The following BRI3BP variants were observed in gnomAD, a reference collection of about 807,000 sequenced individuals.
BRI3BP encodes BRI3-binding protein.
BRI3BP carries 7 observed loss-of-function variants against 15.8 expected under a neutral mutation model. That is an observed-to-expected ratio of 0.44 (90% CI 0.25 to 0.83). The LOEUF (loss-of-function observed/expected upper bound fraction) is 0.83. Among genes scored for constraint, BRI3BP ranks in the 40% least tolerant of loss-of-function variants. The probability of loss-of-function intolerance (pLI) is 0.20; values close to 1 mark genes in which losing one functional copy is unlikely to be tolerated. For missense variants in BRI3BP, 320 were observed against 339.3 expected, an observed-to-expected ratio of 0.94 and a Z score of 0.45; for synonymous variants, 192 against 163.5, an observed-to-expected ratio of 1.17 and a Z score of -1.33.
Position 125,028,373 on chromosome 12 carries a change from A to C in BRI3BP, c.*2943A>C, listed in dbSNP as rs1006473948. The C allele has an allele frequency of 2.6e-5, 4 of 152,214 alleles. No homozygotes were observed. Among genetic ancestry groups the C allele is most frequent in the African/African-American group, 9.7e-5 (4 of 41,446 alleles). 9.4% of individuals were successfully genotyped at this position (152,214 alleles called of 1,614,324 possible). The stretch of plus-strand genomic sequence containing the variant: ...CGAAACATGAAGGGCACTGTGCTCT[A>C]TTGAGATCTCGATAAGATCATCATT... On this transcript the variant is annotated 3_prime_UTR_variant, in exon 3 of 3. Coordinates refer to ENST00000341446, the MANE Select transcript of BRI3BP (RefSeq NM_080626.6).
In BRI3BP at chr12:125,025,200, A is replaced by G. The variant is rs1403961801; in HGVS notation, c.526A>G (p.Lys176Glu). ...CATGTCCTGCGTGTACATCCTGCAC[A>G]AGTACGAGGGCGAGCCGGAGAACGC... ...FSMSCVYILH[K>E]YEGEPENAVL... The change falls in exon 3 of 3, where the codon AAG (lysine) becomes GAG (glutamate). Residue 176 changes from lysine to glutamate, a missense_variant. Transcript: ENST00000341446. 17 of 1,614,118 alleles carry G rather than the reference A, an allele frequency of 1.1e-5. No individual in the cohort carries two copies. Among genetic ancestry groups the G allele is most frequent in the Non-Finnish European group, 1.3e-5 (15 of 1,180,026 alleles).
rs1286814589 is a variant in BRI3BP, at chr12:125,028,587, A to G, written c.*3157A>G. The stretch of plus-strand genomic sequence containing the variant: ...GTGAAAGATGTCTTCATTTTTAATG[A>G]AAGAACCTACAGTTAGTAGGTGTCA... On this transcript the variant is annotated 3_prime_UTR_variant, in exon 3 of 3. Coordinates refer to ENST00000341446, the MANE Select transcript of BRI3BP (RefSeq NM_080626.6). The G allele has an allele frequency of 1.3e-5, 2 of 152,216 alleles. No individual in the cohort carries two copies. Among genetic ancestry groups the G allele is most frequent in the Admixed American group, 1.3e-4 (2 of 15,268 alleles). The allele number at this position is 152,216 out of a possible 1,614,324, so 9.4% of individuals were successfully genotyped here. A position where few individuals can be genotyped will look rare whatever the true frequency, so the allele number is the denominator to read the frequency against.
the BRI3BP span, among the ~76,000 whole-genome samples, chr12:125,037,822 A>G: frequency 1.3e-5 from 2 of 151,964 alleles, no homozygotes; most frequent in Non-Finnish European, 1.5e-5. Flanking sequence ...AAAAAAAAAA[A>G]AAAAGAAAAG....
chr12:125,024,949 G>T, intron 2 of BRI3BP, 42 bp from the exon 3 acceptor site: 1 of 1,534,196 alleles, frequency 6.5e-7, no homozygotes. Flanking sequence ...GAAACCCCTG[G>T]CCCCTGCGTA....
rs1352158610 is a variant in BRI3BP, at chr12:125,030,842, T to G, written c.*5412T>G. 6.6e-6 allele frequency: 1 copy of G among 152,226 alleles called. No homozygotes were observed. Among genetic ancestry groups the G allele is most frequent in the Admixed American group, 6.5e-5 (1 of 15,272 alleles). 9.4% of individuals were successfully genotyped at this position (152,226 alleles called of 1,614,324 possible). ...CACACTTGTGAGGTATGGTATCCAT[T>G]ATCAACAGTGGATTCATGATTGACT... On this transcript the variant is annotated 3_prime_UTR_variant, in exon 3 of 3. Transcript: ENST00000341446.
intron 2 of BRI3BP, among the ~76,000 whole-genome samples, chr12:125,024,258 A>ACGC: frequency 7.4e-6 from 1 of 134,946 alleles, no homozygotes; most frequent in East Asian, 2.5e-4. Context: ...ATCTCATGAA[A>ACGC]CCCCCCCCCC....
At chr12:125,038,278 C>T in the BRI3BP span, among the ~76,000 whole-genome samples, 3 of 151,426 alleles carry the variant, frequency 2.0e-5, no homozygotes, top group Admixed American at 2.0e-4. Flanking sequence ...AAAAAGTTCA[C>T]CGTTCTGTTC....
chr12:125,038,626 G>A, the BRI3BP span, among the ~76,000 whole-genome samples: 24 of 151,932 alleles, frequency 1.6e-4, 1 homozygote, highest in South Asian at 1.7e-3. Context: ...TTATCCAGGC[G>A]TGGTGGTGCG....
chr12:125,007,002 C>A (rs1205414348), intron 1 of BRI3BP, among the ~76,000 whole-genome samples: 2 of 152,060 alleles, frequency 1.3e-5, no homozygotes, highest in African/African-American at 4.8e-5. Context: ...AGTTTGAGAT[C>A]AGCTTGGCCA....
intron 2 of BRI3BP, among the ~76,000 whole-genome samples, chr12:125,014,049 C>T (rs1385530854): frequency 6.6e-6 from 1 of 152,128 alleles, no homozygotes; most frequent in Non-Finnish European, 1.5e-5. Flanking sequence ...GGGTGTACAG[C>T]TTTTATACCC....
chr12:125,012,006 C>T (rs1955200788), intron 1 of BRI3BP, among the ~76,000 whole-genome samples: 1 of 152,312 alleles, frequency 6.6e-6, no homozygotes, highest in East Asian at 1.9e-4. Flanking sequence ...GCCTGGACAA[C>T]ATAGCAAGAG....
At chr12:125,011,906 C>T (rs933347981) in intron 1 of BRI3BP, among the ~76,000 whole-genome samples, 22 of 152,216 alleles carry the variant, frequency 1.4e-4, no homozygotes, top group Non-Finnish European at 3.1e-4. Context: ...GAGAAACCCG[C>T]AGGGTGCGGT....
intron 2 of BRI3BP, among the ~76,000 whole-genome samples, chr12:125,018,794 C>T (rs1340228492): frequency 6.6e-6 from 1 of 151,974 alleles, no homozygotes; most frequent in Non-Finnish European, 1.5e-5. Context: ...ATTCTAGTAC[C>T]TCAGCCTCCC....
chr12:125,037,086 T>A, the BRI3BP span, among the ~76,000 whole-genome samples: 1 of 152,174 alleles, frequency 6.6e-6, no homozygotes, highest in Admixed American at 6.5e-5. Context: ...GGAGACAAAG[T>A]TTTGCTGTTA....
At position 125,024,943 on chromosome 12, in the gene BRI3BP, C is replaced by A. The variant is rs528037433; in HGVS notation, c.317-48C>A. The stretch of plus-strand genomic sequence containing the variant: ...TATCCAATTCTAGCTTGTTAAGAAA[C>A]CCCTGGCCCCTGCGTAACGAGCCCT... On this transcript the variant is annotated intron_variant, in intron 2 of 2. Transcript: ENST00000341446. 6 of 1,515,826 alleles carry A rather than the reference C, an allele frequency of 4.0e-6. No homozygotes were observed. The Admixed American group carries it at 8.8e-5, about 22-fold the overall frequency. The allele number at this position is 1,515,826 out of a possible 1,614,324, so 93.9% of individuals were successfully genotyped here. A position where few individuals can be genotyped will look rare whatever the true frequency, so the allele number is the denominator to read the frequency against.
Position 125,026,022 on chromosome 12 carries a change from G to A in BRI3BP, c.*592G>A, listed in dbSNP as rs1019886289. The A allele has an allele frequency of 6.6e-6, 1 of 152,174 alleles. No homozygotes were observed. The highest frequency in any genetic ancestry group is 1.5e-5 in the Non-Finnish European group (1 of 68,044). The allele number at this position is 152,174 out of a possible 1,614,324, so 9.4% of individuals were successfully genotyped here. On this transcript the variant is annotated 3_prime_UTR_variant, in exon 3 of 3. Coordinates refer to ENST00000341446, the MANE Select transcript of BRI3BP (RefSeq NM_080626.6). ...TCTAAATGTGGACAGTTGGGCTGCA[G>A]GATGCAACTCAACCTCTTTTGGATC... is the stretch of plus-strand genomic sequence containing the variant.
At chr12:125,043,985 A>G in the BRI3BP span, among the ~76,000 whole-genome samples, 2 of 151,230 alleles carry the variant, frequency 1.3e-5, no homozygotes, top group Admixed American at 6.6e-5. Context: ...TGATCACACC[A>G]TTGCACTCCA....
At position 125,026,550 on chromosome 12, in the gene BRI3BP, T is replaced by G. The variant is rs1271867279; in HGVS notation, c.*1120T>G. On this transcript the variant is annotated 3_prime_UTR_variant, in exon 3 of 3. Transcript: ENST00000341446. ...TTAGGCAGTCTCTGTGGGCAGAGAG[T>G]GGGACTTGCGAGGTGGACAGCTGTG... 2.0e-5 allele frequency: 3 copies of G among 151,982 alleles called. No homozygotes were observed. Among genetic ancestry groups the G allele is most frequent in the Non-Finnish European group, 4.4e-5 (3 of 68,004 alleles). 9.4% of individuals were successfully genotyped at this position (151,982 alleles called of 1,614,324 possible). A position where few individuals can be genotyped will look rare whatever the true frequency, so the allele number is the denominator to read the frequency against.
At chr12:125,047,126 G>A in the BRI3BP span, among the ~76,000 whole-genome samples, 3 of 151,950 alleles carry the variant, frequency 2.0e-5, no homozygotes, top group East Asian at 1.9e-4. Context: ...GATTTATAGC[G>A]TAACGCAATT....
Sources: allele counts gnomAD v4.1 joint callset (sites outside exome capture counted in the v4.1 genomes callset), GRCh38; gene constraint gnomAD v4.1.1; transcripts MANE v1.5; gene names NCBI Gene and HGNC (gene_info 2026-07-23, HGNC 2026-07-21).